GRIN2A: variants seen among roughly 807,000 people sequenced by gnomAD.
GRIN2A encodes the protein glutamate ionotropic receptor NMDA type subunit 2A.
GRIN2A carries 22 observed loss-of-function variants against 113.4 expected under a neutral mutation model. That is an observed-to-expected ratio of 0.19 (90% confidence interval 0.14 to 0.28). The LOEUF is 0.28. Among genes scored for constraint, GRIN2A ranks in the 10% least tolerant of loss-of-function variants. The pLI, the probability that GRIN2A is intolerant of heterozygous loss-of-function variation, is 1.00. For missense variants in GRIN2A, 1,502 were observed against 1,887.0 expected, an observed-to-expected ratio of 0.80 and a Z score of 3.78; for synonymous variants, 827 against 738.4, an observed-to-expected ratio of 1.12 and a Z score of -1.94.
chr16:10,116,397 C>T (rs1415310023), intron 2 of GRIN2A, among the ~76,000 whole-genome samples: 1 of 152,154 alleles, frequency 6.6e-6, no homozygotes, highest in Non-Finnish European at 1.5e-5. Context: ...AGAGGTGCAG[C>T]AAACCACTAT....
At chr16:9,816,022 C>T (rs1398674184) in intron 10 of GRIN2A, among the ~76,000 whole-genome samples, 17 of 152,120 alleles carry the variant, frequency 1.1e-4, no homozygotes, top group Admixed American at 9.8e-4. Flanking sequence ...AGACAAATAC[C>T]GTATGATTCC....
chr16:10,154,743 A>G (rs1054933082), intron 2 of GRIN2A, among the ~76,000 whole-genome samples: 1 of 152,200 alleles, frequency 6.6e-6, no homozygotes, highest in African/African-American at 2.4e-5. Flanking sequence ...GGTTTCTCAG[A>G]GGGCATGGCT....
At chr16:9,954,680 A>G (rs886554779) in intron 2 of GRIN2A, among the ~76,000 whole-genome samples, 1 of 152,300 alleles carries the variant, frequency 6.6e-6, no homozygotes, top group South Asian at 2.1e-4. Context: ...TTTTCAGGCC[A>G]CAAATTAGAG....
chr16:9,887,159 T>A (rs1246194011), intron 4 of GRIN2A, among the ~76,000 whole-genome samples: 1 of 152,196 alleles, frequency 6.6e-6, no homozygotes, highest in Non-Finnish European at 1.5e-5. Flanking sequence ...AGTGCTAGGA[T>A]TACAGGCATG....
chr16:10,022,398 C>G (rs1459184311), intron 2 of GRIN2A, among the ~76,000 whole-genome samples: 3 of 152,118 alleles, frequency 2.0e-5, no homozygotes, highest in Non-Finnish European at 4.4e-5. Flanking sequence ...CCATGTCCCA[C>G]CTTGACATGT....
chr16:9,816,627 G>A (rs1195080399), intron 10 of GRIN2A, among the ~76,000 whole-genome samples: 1 of 152,192 alleles, frequency 6.6e-6, no homozygotes, highest in East Asian at 1.9e-4. Flanking sequence ...AAAATGGCTT[G>A]GAGGACATCA....
intron 2 of GRIN2A, among the ~76,000 whole-genome samples, chr16:10,104,853 G>T (rs1464944529): frequency 6.6e-6 from 1 of 152,176 alleles, no homozygotes; most frequent in Non-Finnish European, 1.5e-5. Flanking sequence ...CATGTCCCTT[G>T]TGAGCGCAGA....
At chr16:10,001,852 T>G (rs1455695549) in intron 2 of GRIN2A, among the ~76,000 whole-genome samples, 1 of 152,192 alleles carries the variant, frequency 6.6e-6, no homozygotes, top group Non-Finnish European at 1.5e-5. Flanking sequence ...AAATAAAATG[T>G]CCACCACAAC....
intron 3 of GRIN2A, among the ~76,000 whole-genome samples, chr16:9,933,470 A>C (rs1388286243): frequency 6.6e-6 from 1 of 152,214 alleles, no homozygotes; most frequent in South Asian, 2.1e-4. Context: ...CACCACGAAG[A>C]TATCAGGTAT....
intron 2 of GRIN2A, among the ~76,000 whole-genome samples, chr16:10,141,928 A>T (rs1448672940): frequency 2.6e-5 from 4 of 152,236 alleles, no homozygotes; most frequent in Non-Finnish European, 5.9e-5. Flanking sequence ...CCACCACAGC[A>T]CTATGTCTAA....
At chr16:9,774,265 A>G (rs1012591702) in intron 11 of GRIN2A, among the ~76,000 whole-genome samples, 15 of 152,260 alleles carry the variant, frequency 9.9e-5, no homozygotes, top group African/African-American at 3.6e-4. Context: ...GCAAATTACA[A>G]GAAAGAATGT....
chr16:10,108,608 T>C (rs2048544303), intron 2 of GRIN2A, among the ~76,000 whole-genome samples: 1 of 152,176 alleles, frequency 6.6e-6, no homozygotes. Flanking sequence ...CGGTTACACG[T>C]GTTCAGGGTC....
chr16:10,164,173 G>A lies in GRIN2A; in HGVS notation c.414+15825C>T, dbSNP rs1198071419. Among the ~76,000 whole-genome samples the A allele has an allele frequency of 2.6e-5, 4 of 152,206 alleles. No homozygotes were observed. The East Asian group carries it at 5.8e-4, about 22-fold the overall frequency. On this transcript the variant is annotated intron_variant, in intron 2 of 12. Coordinates refer to ENST00000330684, the MANE Select transcript of GRIN2A (RefSeq NM_001134407.3). The stretch of plus-strand genomic sequence containing the variant: ...GCAACCAGGTTAATTACCCACCAAT[G>A]TGTTTACTCACAACCTTTGTCAATT...
chr16:10,145,725 T>C (rs1192800502), intron 2 of GRIN2A, among the ~76,000 whole-genome samples: 2 of 152,196 alleles, frequency 1.3e-5, no homozygotes, highest in African/African-American at 4.8e-5. Flanking sequence ...TGTTTTAGGA[T>C]TTGTGAGCCA....
intron 3 of GRIN2A, among the ~76,000 whole-genome samples, chr16:9,911,349 A>T (rs1284104640): frequency 1.3e-5 from 2 of 152,188 alleles, no homozygotes; most frequent in Admixed American, 1.3e-4. Flanking sequence ...ATGGTCATAA[A>T]ATGAATGAAA....
At chr16:9,915,913 C>T (rs1197080696) in intron 3 of GRIN2A, among the ~76,000 whole-genome samples, 1 of 152,216 alleles carries the variant, frequency 6.6e-6, no homozygotes, top group African/African-American at 2.4e-5. Context: ...ACTCTAGGCA[C>T]TTGATAAATG....
intron 4 of GRIN2A, among the ~76,000 whole-genome samples, chr16:9,856,574 G>A (rs926572054): frequency 3.4e-5 from 5 of 146,872 alleles, no homozygotes; most frequent in Admixed American, 2.7e-4. Flanking sequence ...GCAGTGAGCC[G>A]AGATCGCGCC....
intron 2 of GRIN2A, among the ~76,000 whole-genome samples, chr16:10,098,542 T>G (rs1382660045): frequency 6.6e-6 from 1 of 152,134 alleles, no homozygotes; most frequent in East Asian, 1.9e-4. Flanking sequence ...TGCAAAAATA[T>G]GGAATCAGCC....
intron 2 of GRIN2A, among the ~76,000 whole-genome samples, chr16:10,008,540 G>A (rs1444403084): frequency 6.6e-6 from 1 of 152,160 alleles, no homozygotes; most frequent in South Asian, 2.1e-4. Context: ...ATTCTTCCCT[G>A]AGCATACAAT....
Sources: gnomAD v4.1 joint callset for allele counts (sites outside exome capture counted in the v4.1 genomes callset) on GRCh38, gnomAD v4.1.1 for gene constraint, MANE v1.5 for transcripts, NCBI Gene and HGNC (gene_info 2026-07-23, HGNC 2026-07-21) for gene names.